The following NGLY1 variants were observed in gnomAD, a reference collection of about 807,000 sequenced individuals.
The protein encoded by NGLY1 is N-glycanase 1.
In NGLY1, 68 loss-of-function variants were observed where a neutral mutation model predicts 84.6. The ratio of observed to expected loss-of-function variants is 0.80; its 90% confidence interval spans 0.66 to 0.98. The LOEUF is 0.98. NGLY1 is among the 50% of genes least tolerant of loss of function. The probability of loss-of-function intolerance (pLI) is 0.00; values close to 1 mark genes in which losing one functional copy is unlikely to be tolerated. For synonymous variants in NGLY1, 280 were observed against 275.2 expected, an observed-to-expected ratio of 1.02 and a Z score of -0.17; for missense variants, 779 against 770.2, an observed-to-expected ratio of 1.01 and a Z score of -0.14.
In NGLY1 at chr3:25,778,685, G is replaced by A; in HGVS notation, c.135C>T (p.Asn45=). ...TGGATCTATATTTTTCATCATTAGG[G>A]TTTCTGACAAAAAACAAAAGTTTGA... ...LLTYADNILR[N]PNDEKYRSIR... Residue 45 remains asparagine (N), a synonymous_variant, in exon 2 of 12, where the codon AAC becomes AAT. Transcript: ENST00000280700. 1.9e-6 allele frequency: 3 copies of A among 1,582,662 alleles called. No homozygotes were observed. Among genetic ancestry groups the A allele is most frequent in the South Asian group, 1.2e-5 (1 of 85,850 alleles).
intron 4 of NGLY1, chr3:25,749,796 T>C (rs1466272846): frequency 2.3e-5 from 31 of 1,324,202 alleles, no homozygotes; most frequent in Non-Finnish European, 1.3e-5. Flanking sequence ...GCTCACAATG[T>C]TTCCTCCAAG....
upstream of NGLY1, among the ~76,000 whole-genome samples, chr3:25,784,317 G>A (rs1017997809): frequency 6.6e-6 from 1 of 152,192 alleles, no homozygotes; most frequent in Non-Finnish European, 1.5e-5. Flanking sequence ...GGTGACCAGC[G>A]TAAAACACAT....
At chr3:25,726,302 G>C (rs1030670802) in intron 10 of NGLY1, among the ~76,000 whole-genome samples, 1 of 152,144 alleles carries the variant, frequency 6.6e-6, no homozygotes, top group Non-Finnish European at 1.5e-5. Flanking sequence ...TATGAATACT[G>C]AGAGTACAAA....
intron 10 of NGLY1, among the ~76,000 whole-genome samples, chr3:25,720,663 T>C (rs540174546): frequency 5.7e-4 from 87 of 152,334 alleles, no homozygotes; most frequent in African/African-American, 1.9e-3. Context: ...TGCTAACTAA[T>C]GGTTTAAAAG....
chr3:25,763,059 A>C (rs1707392685), intron 3 of NGLY1, among the ~76,000 whole-genome samples: 1 of 152,074 alleles, frequency 6.6e-6, no homozygotes, highest in African/African-American at 2.4e-5. Flanking sequence ...TGGGAGGCAG[A>C]GGTTGCAGTG....
intron 10 of NGLY1, among the ~76,000 whole-genome samples, chr3:25,728,448 CA>C (rs1705369554): frequency 6.6e-6 from 1 of 152,056 alleles, no homozygotes; most frequent in Non-Finnish European, 1.5e-5. Flanking sequence ...AGAATATGAT[CA>C]GATCTACTGA....
chr3:25,729,074 C>T, intron 10 of NGLY1, 59 bp downstream of exon 10: 2 of 1,134,974 alleles, frequency 1.8e-6, no homozygotes, highest in Non-Finnish European at 2.3e-6. Context: ...AAAATGAAGC[C>T]AATCTATATT....
At chr3:25,725,557 G>T (rs1403086628) in intron 10 of NGLY1, among the ~76,000 whole-genome samples, 2 of 152,122 alleles carry the variant, frequency 1.3e-5, no homozygotes, top group African/African-American at 4.8e-5. Context: ...AGTGGGGAGG[G>T]GAGAGTCTTG....
chr3:25,751,047 T>A, intron 4 of NGLY1, 51 bp downstream of exon 4: 1 of 1,550,986 alleles, frequency 6.4e-7, no homozygotes, highest in Non-Finnish European at 8.8e-7. Context: ...ATTTTCTGTT[T>A]ATTTAGCAAT....
chr3:25,726,431 G>C (rs1705265452), intron 10 of NGLY1, among the ~76,000 whole-genome samples: 3 of 152,182 alleles, frequency 2.0e-5, no homozygotes, highest in African/African-American at 7.2e-5. Flanking sequence ...TGTCATGAAA[G>C]AGAGGTATAT....
At chr3:25,774,504 T>C (rs1708060355) in intron 2 of NGLY1, among the ~76,000 whole-genome samples, 1 of 152,000 alleles carries the variant, frequency 6.6e-6, no homozygotes, top group African/African-American at 2.4e-5. Flanking sequence ...CTCAGGCCAA[T>C]GGAGTTATGT....
At chr3:25,773,796 G>GC (rs1235588545) in intron 2 of NGLY1, among the ~76,000 whole-genome samples, 1 of 152,144 alleles carries the variant, frequency 6.6e-6, no homozygotes, top group Non-Finnish European at 1.5e-5. Flanking sequence ...AGATTCTTTG[G>GC]CCCCATGGGG....
chr3:25,739,484 G>A, intron 5 of NGLY1, 93 bp downstream of exon 5: 2 of 1,215,264 alleles, frequency 1.6e-6, no homozygotes, highest in South Asian at 2.9e-5. Context: ...ATATATTTCT[G>A]ATAATTAAAT....
chr3:25,768,691 G>A (rs182057344), intron 2 of NGLY1, among the ~76,000 whole-genome samples: 2,444 of 149,748 alleles, frequency 0.016, 67 homozygotes, highest in African/African-American at 0.057. Flanking sequence ...GACTACAGGC[G>A]CCCGCCACCA....
chr3:25,742,565 A>G (rs1179259653), intron 4 of NGLY1, among the ~76,000 whole-genome samples: 1 of 152,218 alleles, frequency 6.6e-6, no homozygotes, highest in Non-Finnish European at 1.5e-5. Flanking sequence ...GGCGTTTCCC[A>G]TATAATATGA....
intron 4 of NGLY1, among the ~76,000 whole-genome samples, chr3:25,745,801 T>C (rs558983765): frequency 5.9e-5 from 9 of 152,360 alleles, no homozygotes; most frequent in African/African-American, 2.2e-4. Context: ...AAATACAGTC[T>C]GATGTCACTC....
In NGLY1 at chr3:25,729,129, T is replaced by G. The variant is rs1218292392; in HGVS notation, c.1611+4A>C. On this transcript the variant is annotated splice_donor_region_variant and intron_variant, in intron 10 of 11. Transcript: ENST00000280700. ...GTTTTAAATGGTTTTATGCATTAAG[T>G]TACCATGTGCCAGTCTGTTTCAACT... 1.4e-6 allele frequency: 2 copies of G among 1,456,434 alleles called. No individual in the cohort carries two copies. The highest frequency in any genetic ancestry group is 1.8e-6 in the Non-Finnish European group (2 of 1,092,404). The allele number at this position is 1,456,434 out of a possible 1,614,324, so 90.2% of individuals were successfully genotyped here.
At chr3:25,780,619 T>C (rs1401043827) in intron 1 of NGLY1, among the ~76,000 whole-genome samples, 2 of 152,194 alleles carry the variant, frequency 1.3e-5, no homozygotes, top group East Asian at 1.9e-4. Context: ...AGTTCTCATA[T>C]AGTTTTTGTT....
At chr3:25,749,445 C>A in intron 4 of NGLY1, 1 of 1,118,404 alleles carries the variant, frequency 8.9e-7, no homozygotes, top group Non-Finnish European at 1.3e-6. Flanking sequence ...CTCTCCTCCT[C>A]AGCACTGCCT....
Sources: allele counts gnomAD v4.1 joint callset (sites outside exome capture counted in the v4.1 genomes callset), GRCh38; gene constraint gnomAD v4.1.1; transcripts MANE v1.5; gene names NCBI Gene and HGNC (gene_info 2026-07-23, HGNC 2026-07-21).